CALN1: variants seen among roughly 807,000 people sequenced by gnomAD.
CALN1 encodes the protein calcium-binding protein 8.
Under a neutral mutation model 30.6 loss-of-function variants are expected in CALN1, and 17 were observed. The ratio of observed to expected loss-of-function variants is 0.56; its 90% CI spans 0.38 to 0.83. The LOEUF is 0.83. Ranked by LOEUF, CALN1 falls within the 40% of genes least tolerant of loss-of-function variation. The probability of loss-of-function intolerance (pLI) is 0.00; values close to 1 mark genes in which losing one functional copy is unlikely to be tolerated. For missense variants in CALN1, 291 were observed against 354.9 expected, an observed-to-expected ratio of 0.82 and a Z score of 1.45; for synonymous variants, 156 against 131.4, an observed-to-expected ratio of 1.19 and a Z score of -1.28.
chr7:72,466,856 AAG>A, the CALN1 span, among the ~76,000 whole-genome samples: 1 of 74,500 alleles, frequency 1.3e-5, no homozygotes, highest in African/African-American at 5.6e-5. Context: ...GAAAGAAAGA[AAG>A]AGAAAGAAAA....
At chr7:72,450,490 C>T (rs1383604071), upstream of CALN1, among the ~76,000 whole-genome samples, 1 of 152,182 alleles carries the variant, frequency 6.6e-6, no homozygotes, top group Non-Finnish European at 1.5e-5. Flanking sequence ...CCAACAAGGA[C>T]CACATGACGA....
intron 4 of CALN1, among the ~76,000 whole-genome samples, chr7:72,044,859 A>G (rs1802370004): frequency 1.3e-5 from 2 of 151,984 alleles, no homozygotes; most frequent in African/African-American, 4.8e-5. Flanking sequence ...GCCTCAAGCA[A>G]TCCTCCCACC....
intron 2 of CALN1, among the ~76,000 whole-genome samples, chr7:72,338,634 T>C (rs1252584300): frequency 2.6e-5 from 4 of 152,102 alleles, no homozygotes; most frequent in Non-Finnish European, 4.4e-5. Context: ...GTATAGACCC[T>C]ACTTCCCTAG....
At chr7:72,339,971 T>C (rs753046701) in intron 2 of CALN1, among the ~76,000 whole-genome samples, 1 of 152,200 alleles carries the variant, frequency 6.6e-6, no homozygotes, top group Non-Finnish European at 1.5e-5. Context: ...TATCATTCCC[T>C]ATAGAATCTA....
At chr7:71,922,730 C>CCG (rs1795025742) in intron 5 of CALN1, among the ~76,000 whole-genome samples, 1 of 130,634 alleles carries the variant, frequency 7.7e-6, no homozygotes, top group East Asian at 2.1e-4. Context: ...ATATAACATA[C>CCG]AGAATATATT....
At chr7:72,054,879 G>A (rs1398454611) in intron 4 of CALN1, among the ~76,000 whole-genome samples, 1 of 151,910 alleles carries the variant, frequency 6.6e-6, no homozygotes, top group Non-Finnish European at 1.5e-5. Flanking sequence ...TAACAAACCT[G>A]CACATGTGCT....
At chr7:72,086,891 G>A (rs1010731956) in intron 4 of CALN1, among the ~76,000 whole-genome samples, 1 of 152,056 alleles carries the variant, frequency 6.6e-6, no homozygotes, top group Non-Finnish European at 1.5e-5. Flanking sequence ...TTAAATAAGG[G>A]TCAAATAATA....
At chr7:71,851,615 C>T (rs1790652786) in intron 5 of CALN1, among the ~76,000 whole-genome samples, 1 of 151,860 alleles carries the variant, frequency 6.6e-6, no homozygotes, top group Admixed American at 6.6e-5. Flanking sequence ...TTTGCACCAA[C>T]AGCCACACAT....
intron 5 of CALN1, among the ~76,000 whole-genome samples, chr7:71,929,922 G>A (rs1795460635): frequency 6.6e-6 from 1 of 152,122 alleles, no homozygotes; most frequent in Non-Finnish European, 1.5e-5. Context: ...GTGGGAATTG[G>A]TTTCAGGACA....
chr7:72,405,176 T>C (rs531657977), intron 1 of CALN1, among the ~76,000 whole-genome samples: 1 of 152,224 alleles, frequency 6.6e-6, no homozygotes, highest in Middle Eastern at 3.4e-3. Context: ...AGGGTTGGGA[T>C]CTCAAAGACA....
intron 4 of CALN1, among the ~76,000 whole-genome samples, chr7:72,078,872 G>T (rs907063317): frequency 5.3e-5 from 8 of 152,146 alleles, no homozygotes; most frequent in African/African-American, 1.4e-4. Context: ...GGAGATGGAG[G>T]TTGCCGTGAT....
chr7:71,806,599 A>T (rs1400290934), intron 6 of CALN1, among the ~76,000 whole-genome samples: 3 of 152,166 alleles, frequency 2.0e-5, no homozygotes, highest in Non-Finnish European at 4.4e-5. Flanking sequence ...GAGCCATTAT[A>T]GTTCCCCTTA....
chr7:71,924,515 T>G (rs927088207), intron 5 of CALN1, among the ~76,000 whole-genome samples: 1 of 152,162 alleles, frequency 6.6e-6, no homozygotes, highest in Non-Finnish European at 1.5e-5. Flanking sequence ...ACACACCCAA[T>G]ACGCTTGAAG....
At chr7:72,474,599 C>A in the CALN1 span, among the ~76,000 whole-genome samples, 1 of 151,862 alleles carries the variant, frequency 6.6e-6, no homozygotes, top group African/African-American at 2.4e-5. Context: ...GCCAGAGGAT[C>A]GCTTGAGCTG....
At chr7:72,415,811 C>A (rs1049694928), upstream of CALN1, among the ~76,000 whole-genome samples, 1 of 152,256 alleles carries the variant, frequency 6.6e-6, no homozygotes, top group East Asian at 1.9e-4. Context: ...CATAGAACTG[C>A]GCTACTGGAC....
chr7:72,087,319 G>A (rs1202215688), intron 4 of CALN1, among the ~76,000 whole-genome samples: 1 of 152,158 alleles, frequency 6.6e-6, no homozygotes, highest in Non-Finnish European at 1.5e-5. Flanking sequence ...GGATCACGAG[G>A]TCAGGGGTTT....
chr7:72,368,284 G>A (rs1034590956), intron 2 of CALN1, among the ~76,000 whole-genome samples: 4 of 149,544 alleles, frequency 2.7e-5, no homozygotes, highest in African/African-American at 9.8e-5. Context: ...TGCTGGTAAC[G>A]TAGATATATT....
intron 5 of CALN1, among the ~76,000 whole-genome samples, chr7:71,945,608 C>T (rs1796364552): frequency 6.6e-6 from 1 of 152,114 alleles, no homozygotes; most frequent in Admixed American, 6.6e-5. Context: ...GTGCTCAAAC[C>T]CTATTGTAAA....
chr7:71,867,701 G>A (rs1219771796), intron 5 of CALN1, among the ~76,000 whole-genome samples: 3 of 152,062 alleles, frequency 2.0e-5, no homozygotes, highest in Non-Finnish European at 2.9e-5. Flanking sequence ...CCAAAGTGCT[G>A]GGATCACAGG....
Sources: gnomAD v4.1 joint callset for allele counts (sites outside exome capture counted in the v4.1 genomes callset) on GRCh38, gnomAD v4.1.1 for gene constraint, MANE v1.5 for transcripts, NCBI Gene and HGNC (gene_info 2026-07-23, HGNC 2026-07-21) for gene names.